Variants in CDH23 observed in about 807,000 individuals in gnomAD.
CDH23 encodes cadherin related 23.
Under a neutral mutation model 317.1 loss-of-function variants are expected in CDH23, and 189 were observed. The observed-to-expected ratio is 0.60, with a 90% CI of 0.53 to 0.67. CDH23 has a LOEUF of 0.67. CDH23 is among the 30% of genes least tolerant of loss of function. The pLI, the probability that CDH23 is intolerant of heterozygous loss-of-function variation, is 0.00. For missense variants in CDH23, 4,401 were observed against 4,592.4 expected, an observed-to-expected ratio of 0.96 and a Z score of 1.20; for synonymous variants, 1,839 against 1,876.8, an observed-to-expected ratio of 0.98 and a Z score of 0.52.
chr10:71,414,624 G>C (rs1249032974), intron 1 of CDH23, among the ~76,000 whole-genome samples: 1 of 139,574 alleles, frequency 7.2e-6, no homozygotes, highest in Non-Finnish European at 1.5e-5. Context: ...TTCTGCTTAA[G>C]ATTTTTTTCA....
intron 9 of CDH23, among the ~76,000 whole-genome samples, chr10:71,585,278 G>A (rs561121640): frequency 2.8e-4 from 43 of 152,262 alleles, no homozygotes; most frequent in African/African-American, 7.7e-4. Flanking sequence ...GCAGAAAGGG[G>A]CATATTCATA....
intron 49 of CDH23, among the ~76,000 whole-genome samples, 155 bp downstream of exon 49, chr10:71,797,375 G>T (rs1318572187): frequency 6.6e-6 from 1 of 152,150 alleles, no homozygotes. Flanking sequence ...GGCATGAAAG[G>T]TGGCAGCCAC....
At chr10:71,757,531 A>G (rs760877813) in intron 38 of CDH23, 2 of 152,400 alleles carry the variant, frequency 1.3e-5, no homozygotes, top group Admixed American at 6.5e-5. Context: ...AAGCGTGGCC[A>G]GTGCCTGGGC....
chr10:71,539,310 G>A (rs978075430), intron 6 of CDH23, among the ~76,000 whole-genome samples: 2 of 152,060 alleles, frequency 1.3e-5, no homozygotes, highest in African/African-American at 4.8e-5. Flanking sequence ...AGCCCTCCTG[G>A]ACCCAGCCCA....
chr10:71,600,812 G>C (rs116544856), intron 9 of CDH23, among the ~76,000 whole-genome samples: 2 of 152,096 alleles, frequency 1.3e-5, no homozygotes, highest in Admixed American at 1.3e-4. Context: ...CACCATGCCC[G>C]GCAGACCACA....
At position 71,810,577 on chromosome 10, in the gene CDH23, G is replaced by A. The variant is rs11818398; in HGVS notation, c.9077+8G>A. 292,669 of 1,612,384 alleles carry A rather than the reference G, an allele frequency of 0.18. 27,803 individuals carry two copies. Among genetic ancestry groups the A allele is most frequent in the East Asian group, 0.27 (12,191 of 44,826 alleles). On this transcript the variant is annotated splice_region_variant and intron_variant, in intron 62 of 69. Transcript: ENST00000224721. Reference sequence around the variant, plus strand: ...CATCCTGGACGTGGACCGGTGAGTCGGGGCCTGTGTTTGGACTGTCAGCCT... The same window carrying A: ...CATCCTGGACGTGGACCGGTGAGTCAGGGCCTGTGTTTGGACTGTCAGCCT...
At chr10:71,590,886 AC>A (rs60814114) in intron 9 of CDH23, among the ~76,000 whole-genome samples, 33,676 of 125,408 alleles carry the variant, frequency 0.27, 6,469 homozygotes, top group African/African-American at 0.42. Flanking sequence ...AAAAAAAAAA[AC>A]AAAAAAAAAC....
At chr10:71,692,624 C>G (rs956299574) in intron 20 of CDH23, among the ~76,000 whole-genome samples, 19 of 152,346 alleles carry the variant, frequency 1.2e-4, no homozygotes, top group African/African-American at 4.6e-4. Context: ...AGCACCTAAG[C>G]TGCCCTGTCA....
chr10:71,486,273 C>T (rs1852342080), intron 3 of CDH23, among the ~76,000 whole-genome samples: 1 of 152,112 alleles, frequency 6.6e-6, no homozygotes, highest in Admixed American at 6.5e-5. Flanking sequence ...ACTGAATGAA[C>T]AGGTTATTTG....
chr10:71,627,441 C>A (rs1328195655), intron 11 of CDH23, among the ~76,000 whole-genome samples: 2 of 152,190 alleles, frequency 1.3e-5, no homozygotes, highest in African/African-American at 4.8e-5. Context: ...GTGCTTCCTC[C>A]CAGCGTGCTA....
At position 71,446,341 on chromosome 10, in the gene CDH23, T is replaced by C. The variant is rs1850165952; in HGVS notation, c.91T>C (p.Phe31Leu). 1.2e-6 allele frequency: 2 copies of C among 1,613,946 alleles called. No individual in the cohort carries two copies. The highest frequency in any genetic ancestry group is 1.7e-6 in the Non-Finnish European group (2 of 1,179,902). Residue 31 changes from phenylalanine to leucine, a missense_variant, in exon 3 of 70, where the codon TTC (phenylalanine) becomes CTC (leucine). Coordinates refer to ENST00000224721, the MANE Select transcript of CDH23 (RefSeq NM_022124.6). ...CWGQVNRLPFFTNHFFDTYLL... is the reference protein window; with the variant it reads ...CWGQVNRLPFLTNHFFDTYLL... ...AGGCCAGGTGAACCGGCTGCCCTTCTTCACCAACCACTTCTTTGATACATA... is the reference window on the plus strand; with the variant it reads ...AGGCCAGGTGAACCGGCTGCCCTTCCTCACCAACCACTTCTTTGATACATA...
chr10:71,511,279 A>G (rs1853969019), intron 6 of CDH23, 67 bp downstream of exon 6: 10 of 1,378,160 alleles, frequency 7.3e-6, no homozygotes, highest in African/African-American at 1.4e-5. Flanking sequence ...ACCATGGTGT[A>G]GGTGAAGAGT....
At chr10:71,652,219 C>T (rs1258815944) in intron 14 of CDH23, among the ~76,000 whole-genome samples, 2 of 152,170 alleles carry the variant, frequency 1.3e-5, no homozygotes, top group East Asian at 3.9e-4. Context: ...GGCCTAAAAG[C>T]CTGCTCCTCT....
intron 3 of CDH23, among the ~76,000 whole-genome samples, chr10:71,503,444 C>T (rs774903398): frequency 1.1e-4 from 16 of 152,226 alleles, no homozygotes; most frequent in South Asian, 2.1e-4. Context: ...GCTCAGAGAC[C>T]TTCATGACTT....
intron 14 of CDH23, among the ~76,000 whole-genome samples, chr10:71,667,359 A>AGAGTGTGTGTGTGTGTGT (rs58361666): frequency 8.9e-6 from 1 of 112,080 alleles, no homozygotes; most frequent in Non-Finnish European, 1.7e-5. Context: ...AGAGAGAGAG[A>AGAGTGTGTGTGTGTGTGT]GTGTGTGTGT....
In CDH23 at chr10:71,812,490, G is replaced by A. The variant is rs932224600; in HGVS notation, c.9391G>A (p.Val3131Met). The change falls in exon 67 of 70, where the codon GTG (valine) becomes ATG (methionine). Residue 3131 changes from valine (V) to methionine (M), a missense_variant. Transcript: ENST00000224721. ...NKYSFDGANP[V>M]WLDPFCRNLE... is the part of the protein sequence containing the mutation. Reference sequence around the variant, plus strand: ...CCTCCCCAACTGCAGAGCCAACCCTGTGTGGCTGGATCCCTTCTGTCGGAA... The same window carrying A: ...CCTCCCCAACTGCAGAGCCAACCCTATGTGGCTGGATCCCTTCTGTCGGAA... 2 of 1,432,206 alleles carry A rather than the reference G, an allele frequency of 1.4e-6. No individual in the cohort carries two copies. The highest frequency in any genetic ancestry group is 2.9e-5 in the African/African-American group (2 of 68,860). 88.7% of individuals were successfully genotyped at this position (1,432,206 alleles called of 1,614,324 possible).
chr10:71,712,496 T>A lies in CDH23; in HGVS notation c.3221-169T>A, dbSNP rs1866013477. 7.8e-6 allele frequency: 5 copies of A among 644,838 alleles called. No homozygotes were observed. In the East Asian group the frequency reaches 1.4e-4, roughly 18 times the overall value. The allele number at this position is 644,838 out of a possible 1,614,324, so 39.9% of individuals were successfully genotyped here. A position where few individuals can be genotyped will look rare whatever the true frequency, so the allele number is the denominator to read the frequency against. ...ATGGTGTTATCTAAGTATTTGATAC[T>A]GTTAGTGTTATTCCTAAGCTAAAAA... On this transcript the variant is annotated intron_variant, in intron 27 of 69. Coordinates refer to ENST00000224721, the MANE Select transcript of CDH23 (RefSeq NM_022124.6).
At chr10:71,709,269 G>A (rs1865892644) in intron 27 of CDH23, 58 bp downstream of exon 27, 1 of 1,499,334 alleles carries the variant, frequency 6.7e-7, no homozygotes, top group African/African-American at 1.4e-5. Context: ...CACACAGGGT[G>A]CCTCCCAGGA....
At chr10:71,466,876 GT>G (rs1398876940) in intron 3 of CDH23, among the ~76,000 whole-genome samples, 2 of 143,874 alleles carry the variant, frequency 1.4e-5, no homozygotes, top group Non-Finnish European at 3.1e-5. Flanking sequence ...AGCATGAGGG[GT>G]GTGTGTGTGT....
Sources: gnomAD v4.1 joint callset for allele counts (sites outside exome capture counted in the v4.1 genomes callset) on GRCh38, gnomAD v4.1.1 for gene constraint, MANE v1.5 for transcripts, NCBI Gene and HGNC (gene_info 2026-07-23, HGNC 2026-07-21) for gene names.